The following VPS13B variants were observed in gnomAD, a reference collection of about 807,000 sequenced individuals.
The protein encoded by VPS13B is vacuolar protein sorting 13 homolog B.
VPS13B carries 285 observed loss-of-function variants against 426.4 expected under a neutral mutation model. The observed-to-expected ratio is 0.67, with a 90% CI of 0.61 to 0.74. VPS13B has a LOEUF of 0.74. Ranked by LOEUF, VPS13B falls within the 30% of genes least tolerant of loss-of-function variation. VPS13B has a pLI of 0.00. For synonymous variants in VPS13B, 1,676 were observed against 1,676.4 expected, an observed-to-expected ratio of 1.00 and a Z score of 0.01; for missense variants, 4,537 against 4,782.6, an observed-to-expected ratio of 0.95 and a Z score of 1.51.
chr8:99,273,634 A>AC (rs1214482204), intron 17 of VPS13B, among the ~76,000 whole-genome samples: 1 of 152,034 alleles, frequency 6.6e-6, no homozygotes, highest in Non-Finnish European at 1.5e-5. Context: ...AAAATACAAA[A>AC]ATTAGCCAGG....
intron 30 of VPS13B, among the ~76,000 whole-genome samples, chr8:99,550,836 A>G (rs1824245415): frequency 1.3e-5 from 2 of 152,068 alleles, no homozygotes; most frequent in African/African-American, 4.8e-5. Flanking sequence ...AAACATAAGC[A>G]GTTTTGTGAA....
rs1319187548 is a variant in VPS13B, at chr8:99,093,352, GAAATTTTTTTTTTT to G, written c.292-2948_292-2935del. 1.1e-3 allele frequency among the ~76,000 whole-genome samples: 170 copies of G among 151,518 alleles called. 1 individual carries two copies. Among genetic ancestry groups the G allele is most frequent in the Non-Finnish European group, 1.2e-3 (83 of 67,860 alleles). ...TGCTATTCAAAGCACCTCAAATTTG[GAAATTTTTTTTTTT>G]AAATTTTTTTTATTTATTTATTATT... On this transcript the variant is annotated intron_variant, in intron 3 of 61. Coordinates refer to ENST00000357162, the MANE Select transcript of VPS13B (RefSeq NM_152564.5).
At position 99,840,954 on chromosome 8, in the gene VPS13B, G is replaced by A. The variant is rs373969026; in HGVS notation, c.9942+5216G>A. Among the ~76,000 whole-genome samples, 31 of 152,236 alleles carry A rather than the reference G, an allele frequency of 2.0e-4. No homozygotes were observed. In the South Asian group the frequency reaches 2.1e-3, roughly 10 times the overall value. ...CTTCCCAGTACTCCAGGGCACAGTCGAACAGATACCAGCAAGTTGGCACTG... is the reference window on the plus strand; with the variant it reads ...CTTCCCAGTACTCCAGGGCACAGTCAAACAGATACCAGCAAGTTGGCACTG... On this transcript the variant is annotated intron_variant, in intron 54 of 61. Transcript: ENST00000357162.
At chr8:99,433,616 G>A (rs1330043425) in intron 22 of VPS13B, among the ~76,000 whole-genome samples, 1 of 152,018 alleles carries the variant, frequency 6.6e-6, no homozygotes, top group Non-Finnish European at 1.5e-5. Context: ...TCTGATAGAA[G>A]TTATTTAGGC....
rs548181208 is a variant in VPS13B at position 99,851,948 on chromosome 8, TAGG to T, written c.10062-1500_10062-1498del. Among the ~76,000 whole-genome samples, 215 of 152,018 alleles carry T rather than the reference TAGG, an allele frequency of 1.4e-3. 1 individual carries two copies. The highest frequency in any genetic ancestry group is 5.0e-3 in the African/African-American group (207 of 41,474). On this transcript the variant is annotated intron_variant, in intron 55 of 61. Coordinates refer to ENST00000357162, the MANE Select transcript of VPS13B (RefSeq NM_152564.5). ...GGCACAAGCAAGCAGGGAGACTAGT[TAGG>T]AGAGGATTACAGTTGCTCACATTAG...
intron 19 of VPS13B, among the ~76,000 whole-genome samples, chr8:99,374,191 T>A (rs1412125564): frequency 6.6e-6 from 1 of 151,874 alleles, no homozygotes; most frequent in African/African-American, 2.4e-5. Context: ...ATTTAAAATT[T>A]TTTTCTGTGT....
intron 39 of VPS13B, among the ~76,000 whole-genome samples, chr8:99,764,650 A>G (rs1811118407): frequency 6.6e-6 from 1 of 151,990 alleles, no homozygotes; most frequent in South Asian, 2.1e-4. Context: ...TCCTGACCTC[A>G]GGTGATCCAC....
intron 19 of VPS13B, among the ~76,000 whole-genome samples, chr8:99,276,351 TAAG>T (rs1818893753): frequency 6.6e-6 from 1 of 152,110 alleles, no homozygotes; most frequent in Non-Finnish European, 1.5e-5. Flanking sequence ...TTCAGCCTGG[TAAG>T]AATGGGTACA....
chr8:99,642,202 C>A lies in VPS13B; in HGVS notation c.5612C>A (p.Thr1871Lys), dbSNP rs920484397. 1.4e-5 allele frequency: 23 copies of A among 1,614,016 alleles called. No homozygotes were observed. Among genetic ancestry groups the A allele is most frequent in the Non-Finnish European group, 3.4e-6 (4 of 1,180,020 alleles). Residue 1871 changes from threonine to lysine, a missense_variant, in exon 34 of 62, where the codon ACA becomes AAA. Transcript: ENST00000357162. The part of the protein sequence containing the change: ...KPNQACISTV[T>K]AEDLLRSSIS... Reference sequence around the variant, plus strand: ...AACCAGGCATGTATTTCCACGGTGACAGCAGAAGATCTCTTAAGGAGCAGC... The same window carrying A: ...AACCAGGCATGTATTTCCACGGTGAAAGCAGAAGATCTCTTAAGGAGCAGC...
chr8:99,606,534 GAAAA>G (rs1375319371), intron 33 of VPS13B, among the ~76,000 whole-genome samples: 1 of 145,082 alleles, frequency 6.9e-6, no homozygotes, highest in African/African-American at 2.5e-5. Flanking sequence ...AAAAGAAAAA[GAAAA>G]AAAAGATGTC....
intron 4 of VPS13B, among the ~76,000 whole-genome samples, chr8:99,101,779 T>C (rs1371411229): frequency 6.6e-6 from 1 of 152,214 alleles, no homozygotes; most frequent in Non-Finnish European, 1.5e-5. Context: ...GTAAGTCTTC[T>C]CTCAGCAGGC....
chr8:99,586,032 G>C (rs914193889), intron 33 of VPS13B, among the ~76,000 whole-genome samples: 4 of 152,128 alleles, frequency 2.6e-5, no homozygotes, highest in African/African-American at 9.7e-5. Context: ...GCTGCCCTCT[G>C]TGAGCCTTCT....
chr8:99,643,977 G>T (rs1430369895), intron 34 of VPS13B, among the ~76,000 whole-genome samples: 2 of 152,194 alleles, frequency 1.3e-5, no homozygotes, highest in African/African-American at 2.4e-5. Flanking sequence ...CAAAACTTAA[G>T]TGCAGGATTA....
chr8:99,858,927 C>T (rs1043554590), intron 56 of VPS13B, among the ~76,000 whole-genome samples: 2 of 152,168 alleles, frequency 1.3e-5, no homozygotes, highest in African/African-American at 2.4e-5. Flanking sequence ...TCCGCTGTCC[C>T]GGGGAGGCTT....
At position 99,553,944 on chromosome 8, in the gene VPS13B, T is replaced by C. The variant is rs527312963; in HGVS notation, c.4746-2506T>C. 5.9e-5 allele frequency among the ~76,000 whole-genome samples: 9 copies of C among 151,988 alleles called. No homozygotes were observed. The East Asian group carries it at 1.5e-3, about 26-fold the overall frequency. ...GGAAGTATCTGGCTATCACTCAAAA[T>C]GGAAAGTATTTTTGCATAGGGAAGA... On this transcript the variant is annotated intron_variant, in intron 30 of 61. Transcript: ENST00000357162.
At chr8:99,262,952 T>A (rs1266199596) in intron 17 of VPS13B, among the ~76,000 whole-genome samples, 1 of 152,132 alleles carries the variant, frequency 6.6e-6, no homozygotes, top group East Asian at 1.9e-4. Context: ...TTTTATTTTT[T>A]TTTGTAGAGA....
intron 33 of VPS13B, among the ~76,000 whole-genome samples, chr8:99,583,021 C>CA (rs773811237): frequency 1.3e-5 from 2 of 152,196 alleles, no homozygotes; most frequent in Non-Finnish European, 2.9e-5. Flanking sequence ...CACTAACGCA[C>CA]ACCCCATTCC....
chr8:99,309,236 T>G (rs1213297468), intron 19 of VPS13B, among the ~76,000 whole-genome samples: 3 of 152,212 alleles, frequency 2.0e-5, no homozygotes, highest in Non-Finnish European at 2.9e-5. Context: ...TTTTGGAGTT[T>G]TAGATATGAA....
intron 33 of VPS13B, among the ~76,000 whole-genome samples, chr8:99,592,288 C>T (rs1455396416): frequency 1.3e-5 from 2 of 151,960 alleles, no homozygotes; most frequent in Admixed American, 6.6e-5. Flanking sequence ...AGATGTTTGT[C>T]ATTACCAGCT....
Sources: gnomAD v4.1 joint callset for allele counts (sites outside exome capture counted in the v4.1 genomes callset) on GRCh38, gnomAD v4.1.1 for gene constraint, MANE v1.5 for transcripts, NCBI Gene and HGNC (gene_info 2026-07-23, HGNC 2026-07-21) for gene names.